Variants in SETBP1 observed in about 807,000 individuals in gnomAD.
SETBP1 encodes the protein SET binding protein 1.
SETBP1 carries 9 observed loss-of-function variants against 101.0 expected under a neutral mutation model. The observed-to-expected ratio is 0.09, with a 90% CI of 0.05 to 0.16. SETBP1 has a LOEUF of 0.16. Among genes scored for constraint, SETBP1 ranks in the 10% least tolerant of loss-of-function variants. The pLI is 1.00. For synonymous variants in SETBP1, 818 were observed against 788.5 expected, an observed-to-expected ratio of 1.04 and a Z score of -0.63; for missense variants, 1,858 against 2,033.8, an observed-to-expected ratio of 0.91 and a Z score of 1.66.
intron 2 of SETBP1, among the ~76,000 whole-genome samples, chr18:44,738,901 T>G (rs1049473415): frequency 6.6e-6 from 1 of 152,164 alleles, no homozygotes; most frequent in Non-Finnish European, 1.5e-5. Context: ...AAAAATTTTA[T>G]TATTTTATAT....
chr18:44,681,206 T>C (rs547165192), intron 1 of SETBP1, among the ~76,000 whole-genome samples, 185 bp downstream of exon 1: 7 of 152,364 alleles, frequency 4.6e-5, no homozygotes, highest in Admixed American at 4.6e-4. Context: ...AGCCGTGGGC[T>C]TGGGAATGAA....
intron 2 of SETBP1, among the ~76,000 whole-genome samples, chr18:44,785,755 G>A (rs148062617): frequency 1.7e-4 from 26 of 152,238 alleles, no homozygotes; most frequent in African/African-American, 6.3e-4. Flanking sequence ...AGCACATGGC[G>A]TTTCAGGTTA....
chr18:44,998,458 T>C (rs147276461), intron 4 of SETBP1, among the ~76,000 whole-genome samples: 53 of 152,332 alleles, frequency 3.5e-4, no homozygotes, highest in African/African-American at 1.2e-3. Context: ...CAGAATAAAA[T>C]TGTATACACA....
intron 3 of SETBP1, among the ~76,000 whole-genome samples, chr18:44,912,728 T>C (rs1184737347): frequency 2.0e-5 from 3 of 152,174 alleles, no homozygotes; most frequent in East Asian, 1.9e-4. Flanking sequence ...GAAACTTTTC[T>C]TTACAGTAAC....
At chr18:44,765,120 G>C (rs895001442) in intron 2 of SETBP1, among the ~76,000 whole-genome samples, 1 of 152,128 alleles carries the variant, frequency 6.6e-6, no homozygotes, top group Non-Finnish European at 1.5e-5. Context: ...AGGTTTTGCC[G>C]CAAACAAGCT....
intron 2 of SETBP1, among the ~76,000 whole-genome samples, chr18:44,752,088 G>GT (rs2144539605): frequency 6.6e-6 from 1 of 152,196 alleles, no homozygotes; most frequent in South Asian, 2.1e-4. Flanking sequence ...AGAACACAAT[G>GT]ACGTCTATAG....
chr18:44,855,011 C>T (rs1028233842), intron 2 of SETBP1, among the ~76,000 whole-genome samples: 6 of 152,180 alleles, frequency 3.9e-5, no homozygotes, highest in Non-Finnish European at 5.9e-5. Context: ...TTTTGGATTG[C>T]TCTTCTCCCA....
intron 5 of SETBP1, among the ~76,000 whole-genome samples, chr18:45,049,400 G>A (rs1225263050): frequency 6.6e-6 from 1 of 152,158 alleles, no homozygotes; most frequent in Non-Finnish European, 1.5e-5. Flanking sequence ...CAAAATGACA[G>A]CCATGGCCCA....
intron 4 of SETBP1, among the ~76,000 whole-genome samples, chr18:45,016,187 TG>T (rs1309211735): frequency 6.6e-6 from 1 of 152,012 alleles, no homozygotes; most frequent in Non-Finnish European, 1.5e-5. Flanking sequence ...CTGGTGAGGG[TG>T]GGGGAGGTTT....
intron 2 of SETBP1, among the ~76,000 whole-genome samples, chr18:44,838,251 G>A (rs1251699843): frequency 6.6e-6 from 1 of 152,150 alleles, no homozygotes; most frequent in Non-Finnish European, 1.5e-5. Flanking sequence ...TTTCAGAGTA[G>A]GAGTCTCTTA....
intron 2 of SETBP1, among the ~76,000 whole-genome samples, chr18:44,832,325 C>T (rs1295378961): frequency 6.6e-6 from 1 of 152,198 alleles, no homozygotes; most frequent in Non-Finnish European, 1.5e-5. Flanking sequence ...CATCCCAGGC[C>T]AGGCCCGGGG....
chr18:44,812,429 G>C (rs369265493), intron 2 of SETBP1, among the ~76,000 whole-genome samples: 6 of 152,132 alleles, frequency 3.9e-5, no homozygotes, highest in Non-Finnish European at 2.9e-5. Context: ...TGTCAGGGCC[G>C]TAAAATAGCC....
intron 2 of SETBP1, among the ~76,000 whole-genome samples, chr18:44,826,340 T>A (rs916090035): frequency 2.0e-5 from 3 of 152,118 alleles, no homozygotes; most frequent in Admixed American, 2.0e-4. Context: ...GCACAAAAGC[T>A]CATTGCATTC....
At chr18:44,957,342 G>A (rs1440320727) in intron 4 of SETBP1, among the ~76,000 whole-genome samples, 1 of 151,512 alleles carries the variant, frequency 6.6e-6, no homozygotes, top group Non-Finnish European at 1.5e-5. Flanking sequence ...CAGATACTGA[G>A]ACCTCATGAC....
At chr18:44,914,839 G>A (rs190506003) in intron 3 of SETBP1, among the ~76,000 whole-genome samples, 1 of 152,084 alleles carries the variant, frequency 6.6e-6, no homozygotes, top group Admixed American at 6.6e-5. Context: ...CTTTCCTGGA[G>A]CTCTATCAAC....
intron 4 of SETBP1, among the ~76,000 whole-genome samples, chr18:45,029,160 C>A (rs2073236015): frequency 1.3e-5 from 2 of 152,200 alleles, no homozygotes; most frequent in African/African-American, 2.4e-5. Flanking sequence ...ACATGTAAGT[C>A]TTTAATCCAT....
intron 4 of SETBP1, among the ~76,000 whole-genome samples, chr18:44,984,336 A>T (rs1182418387): frequency 6.6e-6 from 1 of 152,152 alleles, no homozygotes; most frequent in Non-Finnish European, 1.5e-5. Flanking sequence ...TCAGGAAGAA[A>T]CTGTTCCACC....
chr18:44,831,456 A>G (rs1276555631), intron 2 of SETBP1, among the ~76,000 whole-genome samples: 1 of 152,222 alleles, frequency 6.6e-6, no homozygotes, highest in African/African-American at 2.4e-5. Context: ...ATGACTTTCA[A>G]TGATCTTGCC....
At chr18:44,888,062 A>T (rs113945005) in intron 3 of SETBP1, among the ~76,000 whole-genome samples, 18 of 152,252 alleles carry the variant, frequency 1.2e-4, no homozygotes, top group East Asian at 7.7e-4. Context: ...AGAGCAGTCA[A>T]TCTCCATCCC....
Sources: gnomAD v4.1 joint callset for allele counts (sites outside exome capture counted in the v4.1 genomes callset) on GRCh38, gnomAD v4.1.1 for gene constraint, MANE v1.5 for transcripts, NCBI Gene and HGNC (gene_info 2026-07-23, HGNC 2026-07-21) for gene names.